Variants in NFAT5 observed in about 807,000 individuals in gnomAD.
The protein encoded by NFAT5 is nuclear factor of activated T cells 5, also known as nuclear factor of activated T-cells 5.
Under a neutral mutation model 166.5 loss-of-function variants are expected in NFAT5, and 31 were observed. The observed-to-expected ratio is 0.19, with a 90% CI of 0.14 to 0.25. The LOEUF (loss-of-function observed/expected upper bound fraction) is 0.25. NFAT5 is among the 10% of genes least tolerant of loss of function. The pLI is 1.00. For synonymous variants in NFAT5, 612 were observed against 639.7 expected (o/e 0.96, Z 0.65); for missense variants, 1,449 against 1,821.8 (o/e 0.80, Z 3.72).
intron 2 of NFAT5, among the ~76,000 whole-genome samples, chr16:69,578,416 A>T (rs2031440854): frequency 6.6e-6 from 1 of 152,226 alleles, no homozygotes; most frequent in South Asian, 2.1e-4. Context: ...TATATACTGT[A>T]TTCTGATAGC....
chr16:69,617,763 A>G (rs1010728468), intron 2 of NFAT5, among the ~76,000 whole-genome samples: 3 of 152,094 alleles, frequency 2.0e-5, no homozygotes, highest in East Asian at 1.9e-4. Flanking sequence ...AAATGCCTGG[A>G]TTACAGGCAT....
chr16:69,599,982 A>C (rs1225843490), intron 2 of NFAT5, among the ~76,000 whole-genome samples: 1 of 152,220 alleles, frequency 6.6e-6, no homozygotes, highest in African/African-American at 2.4e-5. Flanking sequence ...TTCTGGCTAC[A>C]GTGTAGATAA....
At chr16:69,575,414 C>T (rs370944489) in intron 2 of NFAT5, among the ~76,000 whole-genome samples, 1 of 151,986 alleles carries the variant, frequency 6.6e-6, no homozygotes, top group Non-Finnish European at 1.5e-5. Flanking sequence ...GTGATCCGCC[C>T]GCCTCAGCCT....
At position 69,699,308 on chromosome 16, in the gene NFAT5, AT is replaced by A; in HGVS notation, c.*2961del. 1 of 153,022 alleles carries A rather than the reference AT, an allele frequency of 6.5e-6. No homozygotes were observed. Among genetic ancestry groups the A allele is most frequent in the East Asian group, 1.9e-4 (1 of 5,182 alleles). 9.5% of individuals were successfully genotyped at this position (153,022 alleles called of 1,614,324 possible). A position where few individuals can be genotyped will look rare whatever the true frequency, so the allele number is the denominator to read the frequency against. On this transcript the variant is annotated 3_prime_UTR_variant, in exon 15 of 15. Coordinates refer to ENST00000349945, the MANE Select transcript of NFAT5 (RefSeq NM_138713.4). ...TGGCAATGCCAAGTCACTGGGACCAATTTTCTGTTTTATAATATCTAAGTTT... is the reference window on the plus strand; with the variant it reads ...TGGCAATGCCAAGTCACTGGGACCAATTTCTGTTTTATAATATCTAAGTTT...
rs370755900 is a variant in NFAT5 at position 69,659,915 on chromosome 16, C to G, written c.1369+16C>G. 3 of 1,568,204 alleles carry G rather than the reference C, an allele frequency of 1.9e-6. No homozygotes were observed. In the Admixed American group the frequency reaches 5.5e-5, roughly 28 times the overall value. On this transcript the variant is annotated intron_variant, in intron 7 of 14. Coordinates refer to ENST00000349945, the MANE Select transcript of NFAT5 (RefSeq NM_138713.4). Reference sequence around the variant, plus strand: ...ATTTTGTGTAGTAAGTAAGAAGATACGGAGATACTAAACATATGGAGTTTC... The same window carrying G: ...ATTTTGTGTAGTAAGTAAGAAGATAGGGAGATACTAAACATATGGAGTTTC...
intron 9 of NFAT5, among the ~76,000 whole-genome samples, chr16:69,675,276 A>C (rs2036787498): frequency 6.6e-6 from 1 of 152,234 alleles, no homozygotes; most frequent in Non-Finnish European, 1.5e-5. Context: ...TATTCAAAAG[A>C]ATAGTTTGAA....
At chr16:69,605,863 G>A (rs1168037827) in intron 2 of NFAT5, among the ~76,000 whole-genome samples, 1 of 152,068 alleles carries the variant, frequency 6.6e-6, no homozygotes, top group Admixed American at 6.6e-5. Flanking sequence ...ACAGGCGCCC[G>A]CCACTGCACC....
chr16:69,647,017 G>A lies in NFAT5; in HGVS notation c.254-11G>A, dbSNP rs755664929. ...TGTATAGTGTATTTACTCTTGAATT[G>A]TACACTGCAGATGCTTCTTCAGCTC... On this transcript the variant is annotated splice_polypyrimidine_tract_variant and intron_variant, in intron 3 of 14. Transcript: ENST00000349945. This position sits in a 1 kb window ranked among gnomAD's most constrained non-coding sequence, Gnocchi z 4.8. The A allele has an allele frequency of 3.2e-6, 5 of 1,550,254 alleles. No individual in the cohort carries two copies. The highest frequency in any genetic ancestry group is 4.4e-6 in the Non-Finnish European group (5 of 1,146,590).
chr16:69,623,867 A>C (rs995604511), intron 2 of NFAT5, among the ~76,000 whole-genome samples: 1 of 149,986 alleles, frequency 6.7e-6, no homozygotes, highest in South Asian at 2.1e-4. Flanking sequence ...AAAAAAAAAA[A>C]AAGAAACAGA....
intron 2 of NFAT5, among the ~76,000 whole-genome samples, chr16:69,577,819 T>C (rs1235031319): frequency 3.3e-5 from 5 of 152,106 alleles, no homozygotes; most frequent in Admixed American, 3.3e-4. Context: ...GCCACTGCAC[T>C]CCAGCCTGGG....
At chr16:69,625,361 A>G (rs531009576) in intron 2 of NFAT5, among the ~76,000 whole-genome samples, 4 of 152,062 alleles carry the variant, frequency 2.6e-5, no homozygotes, top group African/African-American at 9.6e-5. Context: ...AGTATTACAA[A>G]ATATTTTTAA....
rs145322613 is a variant in NFAT5 at position 69,701,998 on chromosome 16, C to G, written c.*5647C>G. The stretch of plus-strand genomic sequence containing the variant: ...TGTTAATTTTGCCTCTATTCCAGCT[C>G]CTTACCACAGCGGTGGTGCTTAAAG... On this transcript the variant is annotated 3_prime_UTR_variant, in exon 15 of 15. Coordinates refer to ENST00000349945, the MANE Select transcript of NFAT5 (RefSeq NM_138713.4). 6.4e-4 allele frequency: 97 copies of G among 152,694 alleles called. No individual in the cohort carries two copies. The highest frequency in any genetic ancestry group is 2.2e-3 in the African/African-American group (92 of 41,542). The allele number at this position is 152,694 out of a possible 1,614,324, so 9.5% of individuals were successfully genotyped here.
Position 69,687,137 on chromosome 16 carries a change from AGACTT to A in NFAT5, c.1774+2168_1774+2172del, listed in dbSNP as rs571037723. ...ATTTTGGACTGTTTTTGGTGGGACT[AGACTT>A]AAATAAAATTGGAACAAGGCCAGAT... On this transcript the variant is annotated intron_variant, in intron 11 of 14. Coordinates refer to ENST00000349945, the MANE Select transcript of NFAT5 (RefSeq NM_138713.4). Among the ~76,000 whole-genome samples the A allele has an allele frequency of 1.2e-4, 18 of 152,270 alleles. No homozygotes were observed. The East Asian group carries it at 3.5e-3, about 29-fold the overall frequency.
At chr16:69,600,856 A>G (rs954045220) in intron 2 of NFAT5, among the ~76,000 whole-genome samples, 5 of 152,016 alleles carry the variant, frequency 3.3e-5, no homozygotes, top group African/African-American at 9.7e-5. Flanking sequence ...CTCTATCAAA[A>G]CTTAGAAGCT....
intron 2 of NFAT5, among the ~76,000 whole-genome samples, chr16:69,606,720 G>T (rs1430717700): frequency 6.6e-5 from 10 of 152,174 alleles, no homozygotes; most frequent in African/African-American, 2.4e-4. Context: ...GCTGGGCGTG[G>T]TGGTACGCCT....
chr16:69,615,954 C>T (rs2033923563), intron 2 of NFAT5, among the ~76,000 whole-genome samples: 1 of 152,096 alleles, frequency 6.6e-6, no homozygotes. Context: ...TGGTTTCTTA[C>T]TCCCCACTTT....
At chr16:69,674,499 T>A (rs985663469) in intron 9 of NFAT5, among the ~76,000 whole-genome samples, 2 of 151,892 alleles carry the variant, frequency 1.3e-5, no homozygotes, top group Admixed American at 1.3e-4. Flanking sequence ...TATACAAATA[T>A]ACATAAAAGG....
chr16:69,609,639 G>A (rs2033605315), intron 2 of NFAT5, among the ~76,000 whole-genome samples: 1 of 152,014 alleles, frequency 6.6e-6, no homozygotes, highest in Non-Finnish European at 1.5e-5. Flanking sequence ...CTCAAAGTAT[G>A]AGGTCTGAAT....
chr16:69,695,130 C>T lies in NFAT5; in HGVS notation c.4415-6C>T, dbSNP rs774397341. The T allele has an allele frequency of 1.4e-5, 22 of 1,609,192 alleles. No individual in the cohort carries two copies. The highest frequency in any genetic ancestry group is 1.8e-5 in the Non-Finnish European group (21 of 1,175,634). On this transcript the variant is annotated splice_region_variant and splice_polypyrimidine_tract_variant and intron_variant, in intron 13 of 14. Transcript: ENST00000349945. Reference sequence around the variant, plus strand: ...TTTTAAGCTTCTGTTTTCAATGTCTCTGCAGACTGTAGTCAGCTTTTAACC... The same window carrying T: ...TTTTAAGCTTCTGTTTTCAATGTCTTTGCAGACTGTAGTCAGCTTTTAACC...
Sources: gnomAD v4.1 joint callset for allele counts (sites outside exome capture counted in the v4.1 genomes callset) on GRCh38, gnomAD v4.1.1 for gene constraint, Gnocchi (gnomAD v3.1) non-coding constraint, MANE v1.5 for transcripts, NCBI Gene and HGNC (gene_info 2026-07-23, HGNC 2026-07-21) for gene names.